SVEP1: variants seen among roughly 807,000 people sequenced by gnomAD.
The protein encoded by SVEP1 is sushi, von Willebrand factor type A, EGF and pentraxin domain containing 1, also known as sushi, von Willebrand factor type A, EGF and pentraxin domain-containing protein 1.
In SVEP1, 164 loss-of-function variants were observed where a neutral mutation model predicts 367.3. The observed-to-expected ratio is 0.45, with a 90% CI of 0.39 to 0.51. The LOEUF (loss-of-function observed/expected upper bound fraction) is 0.51, where lower values mean the gene tolerates loss of function less well. SVEP1 is among the 20% of genes least tolerant of loss of function. The probability of loss-of-function intolerance (pLI) is 0.00; values close to 1 mark genes in which losing one functional copy is unlikely to be tolerated. For missense variants in SVEP1, 4,117 were observed against 4,425.3 expected (o/e 0.93, Z 1.98); for synonymous variants, 1,666 against 1,611.6 (o/e 1.03, Z -0.81).
intron 42 of SVEP1, among the ~76,000 whole-genome samples, chr9:110,386,990 T>C (rs1827534998): frequency 1.2e-5 from 1 of 80,862 alleles, no homozygotes; most frequent in Non-Finnish European, 3.3e-5. Flanking sequence ...ACATCTTTCA[T>C]TTCTTTCCTA....
At chr9:110,388,891 C>A (rs1391495996) in intron 41 of SVEP1, among the ~76,000 whole-genome samples, 3 of 152,160 alleles carry the variant, frequency 2.0e-5, no homozygotes. Context: ...GTCCCTTGAG[C>A]CCGGGAAGTG....
chr9:110,369,321 G>A (rs1277834531), intron 47 of SVEP1, among the ~76,000 whole-genome samples: 3 of 152,030 alleles, frequency 2.0e-5, no homozygotes, highest in Non-Finnish European at 4.4e-5. Flanking sequence ...ATAAGAAACC[G>A]ATGAAAAAAC....
intron 33 of SVEP1, 76 bp downstream of exon 33, chr9:110,430,198 T>A: frequency 6.9e-7 from 1 of 1,449,568 alleles, no homozygotes; most frequent in Middle Eastern, 2.4e-4. Flanking sequence ...TGATACAACA[T>A]AACACTTCAT....
At chr9:110,536,486 A>G (rs1830081530) in intron 3 of SVEP1, among the ~76,000 whole-genome samples, 1 of 152,030 alleles carries the variant, frequency 6.6e-6, no homozygotes, top group Non-Finnish European at 1.5e-5. Flanking sequence ...CTCAACATAC[A>G]TATATAACTA....
intron 1 of SVEP1, among the ~76,000 whole-genome samples, chr9:110,558,866 A>C (rs1403086512): frequency 6.6e-6 from 1 of 152,122 alleles, no homozygotes; most frequent in Non-Finnish European, 1.5e-5. Flanking sequence ...TTTCTCGTTT[A>C]TGTGATAAGG....
At chr9:110,485,609 G>C (rs1443733397) in intron 9 of SVEP1, among the ~76,000 whole-genome samples, 1 of 152,030 alleles carries the variant, frequency 6.6e-6, no homozygotes, top group African/African-American at 2.4e-5. Flanking sequence ...TAAAAAGAGG[G>C]TGTATAGAAA....
At chr9:110,391,641 T>TTA (rs1827657276) in intron 40 of SVEP1, among the ~76,000 whole-genome samples, 1 of 152,132 alleles carries the variant, frequency 6.6e-6, no homozygotes, top group Non-Finnish European at 1.5e-5. Flanking sequence ...AACATCCTGG[T>TTA]ATTAACTACA....
At chr9:110,467,520 C>T (rs1470104878) in intron 17 of SVEP1, among the ~76,000 whole-genome samples, 7 of 151,908 alleles carry the variant, frequency 4.6e-5, no homozygotes, top group African/African-American at 1.5e-4. Context: ...GATTGGATCA[C>T]GGGGGTGGAT....
chr9:110,405,225 A>G (rs1827936843), intron 38 of SVEP1, among the ~76,000 whole-genome samples: 1 of 150,268 alleles, frequency 6.7e-6, no homozygotes, highest in Non-Finnish European at 1.5e-5. Context: ...ATGGACTCAG[A>G]TACTAGTAGG....
Position 110,377,266 on chromosome 9 carries a change from C to T in SVEP1, c.10504+5G>A. 1 of 1,613,078 alleles carries T rather than the reference C, an allele frequency of 6.2e-7. No individual in the cohort carries two copies. The highest frequency in any genetic ancestry group is 8.5e-7 in the Non-Finnish European group (1 of 1,179,246). On this transcript the variant is annotated splice_donor_5th_base_variant and intron_variant, in intron 45 of 47. Coordinates refer to ENST00000374469, the MANE Select transcript of SVEP1 (RefSeq NM_153366.4). ...ACTCAAAGTAAGATCTGAAGAGCAA[C>T]TCACGTTCTTCACAGAGGCGCCCCA...
chr9:110,553,961 A>G (rs1394937726), intron 1 of SVEP1, among the ~76,000 whole-genome samples: 2 of 152,118 alleles, frequency 1.3e-5, no homozygotes, highest in African/African-American at 4.8e-5. Context: ...TTATATTTTT[A>G]AAATATTTCT....
At position 110,533,573 on chromosome 9, in the gene SVEP1, G is replaced by A. The variant is rs139021772; in HGVS notation, c.964+12542C>T. Reference sequence around the variant, plus strand: ...TCAAACCAATCTATTGTGGATACCCGGGGTTACTATCTCTGTGTGTCTGTG... The same window carrying A: ...TCAAACCAATCTATTGTGGATACCCAGGGTTACTATCTCTGTGTGTCTGTG... On this transcript the variant is annotated intron_variant, in intron 3 of 47. Transcript: ENST00000374469. Among the ~76,000 whole-genome samples, 6 of 142,094 alleles carry A rather than the reference G, an allele frequency of 4.2e-5. No homozygotes were observed. The East Asian group carries it at 9.9e-4, about 23-fold the overall frequency. The allele number at this position is 142,094 out of a possible 152,430, so 93.2% of individuals were successfully genotyped here.
chr9:110,566,549 C>T (rs913096967), intron 1 of SVEP1, among the ~76,000 whole-genome samples: 2 of 152,036 alleles, frequency 1.3e-5, no homozygotes, highest in African/African-American at 4.8e-5. Flanking sequence ...AATTACAATG[C>T]AACCAACATT....
At chr9:110,477,397 G>A (rs1829111413) in intron 13 of SVEP1, among the ~76,000 whole-genome samples, 1 of 152,000 alleles carries the variant, frequency 6.6e-6, no homozygotes, top group Non-Finnish European at 1.5e-5. Context: ...TAAATTAATC[G>A]TTCTGCTTCC....
At chr9:110,574,768 A>AGAT (rs1830606027) in intron 1 of SVEP1, among the ~76,000 whole-genome samples, 1 of 17,906 alleles carries the variant, frequency 5.6e-5, no homozygotes, top group Non-Finnish European at 1.2e-4. Context: ...TTTTTTTTTG[A>AGAT]GGAGTCTCAC....
At chr9:110,418,749 C>T (rs2118526203) in intron 36 of SVEP1, among the ~76,000 whole-genome samples, 2 of 77,184 alleles carry the variant, frequency 2.6e-5, no homozygotes, top group African/African-American at 9.9e-5. Context: ...GAAAGCCCAT[C>T]AGACTAACAG....
chr9:110,507,158 C>T (rs1308369359), intron 5 of SVEP1, among the ~76,000 whole-genome samples: 1 of 152,220 alleles, frequency 6.6e-6, no homozygotes, highest in Non-Finnish European at 1.5e-5. Context: ...ATAACCCCTA[C>T]AAAAGAATAA....
At chr9:110,575,334 C>T (rs887753834) in intron 1 of SVEP1, among the ~76,000 whole-genome samples, 1 of 152,184 alleles carries the variant, frequency 6.6e-6, no homozygotes, top group Non-Finnish European at 1.5e-5. Context: ...GATCAACATT[C>T]TCAGAGGCCC....
chr9:110,412,647 T>G (rs1050030849), intron 36 of SVEP1, among the ~76,000 whole-genome samples: 2 of 152,116 alleles, frequency 1.3e-5, no homozygotes, highest in African/African-American at 4.8e-5. Context: ...CCTACTCATC[T>G]GACAAAGGGC....
Sources: gnomAD v4.1 joint callset for allele counts (sites outside exome capture counted in the v4.1 genomes callset) on GRCh38, gnomAD v4.1.1 for gene constraint, MANE v1.5 for transcripts, NCBI Gene and HGNC (gene_info 2026-07-23, HGNC 2026-07-21) for gene names.